PRORP: variants seen among roughly 807,000 people sequenced by gnomAD.
PRORP encodes the protein mitochondrial ribonuclease P catalytic subunit.
In PRORP, 51 loss-of-function variants were observed where a neutral mutation model predicts 59.4. The observed-to-expected ratio is 0.86, with a 90% confidence interval of 0.69 to 1.08. The LOEUF is 1.08. Ranked by LOEUF, PRORP falls within the 50% of genes least tolerant of loss-of-function variation. PRORP has a pLI of 0.00. For missense variants in PRORP, 646 were observed against 690.3 expected, an observed-to-expected ratio of 0.94 and a Z score of 0.72; for synonymous variants, 231 against 245.6, an observed-to-expected ratio of 0.94 and a Z score of 0.55.
intron 4 of PRORP, among the ~76,000 whole-genome samples, chr14:35,134,264 C>T (rs1268009900): frequency 6.6e-6 from 1 of 152,170 alleles, no homozygotes; most frequent in Non-Finnish European, 1.5e-5. Context: ...CCACCGCCAC[C>T]ACCAGCCCAC....
At chr14:35,153,420 C>T (rs1185243394) in intron 4 of PRORP, among the ~76,000 whole-genome samples, 4 of 146,536 alleles carry the variant, frequency 2.7e-5, no homozygotes, top group African/African-American at 1.0e-4. Context: ...AGAGGGATCT[C>T]TAATTTTTGT....
chr14:35,217,532 G>GT (rs1348337316), intron 5 of PRORP, among the ~76,000 whole-genome samples: 1 of 149,350 alleles, frequency 6.7e-6, no homozygotes, highest in East Asian at 1.9e-4. Context: ...AGAAACCATT[G>GT]TTTAATCCAA....
chr14:35,184,724 T>C (rs747666335), intron 5 of PRORP, among the ~76,000 whole-genome samples: 5 of 152,166 alleles, frequency 3.3e-5, no homozygotes, highest in Middle Eastern at 3.2e-3. Flanking sequence ...TTTATTTGTG[T>C]TCATAAGCTT....
intron 5 of PRORP, among the ~76,000 whole-genome samples, chr14:35,204,448 A>G (rs1472784961): frequency 6.6e-6 from 1 of 152,210 alleles, no homozygotes; most frequent in Non-Finnish European, 1.5e-5. Context: ...TTGCTATGCT[A>G]CAAAGTTACC....
At chr14:35,158,663 TC>T in intron 4 of PRORP, 1 of 399,016 alleles carries the variant, frequency 2.5e-6, no homozygotes, top group Non-Finnish European at 5.0e-6. Flanking sequence ...ATTTAGGTAG[TC>T]CACAGATTTA....
intron 5 of PRORP, among the ~76,000 whole-genome samples, chr14:35,237,663 TC>T (rs1245160875): frequency 6.6e-6 from 1 of 152,130 alleles, no homozygotes; most frequent in Non-Finnish European, 1.5e-5. Flanking sequence ...TTCTTAAACT[TC>T]TATTTTTTAT....
chr14:35,172,453 C>CTTCTTTCTTTCT (rs1555324973), intron 4 of PRORP, among the ~76,000 whole-genome samples: 8 of 46,706 alleles, frequency 1.7e-4, no homozygotes, highest in Admixed American at 4.3e-4. Flanking sequence ...TCCTTCCTTC[C>CTTCTTTCTTTCT]TTCTTTCTTT....
chr14:35,126,485 T>C (rs974192848), intron 2 of PRORP, among the ~76,000 whole-genome samples: 6 of 152,258 alleles, frequency 3.9e-5, no homozygotes, highest in Non-Finnish European at 7.4e-5. Context: ...TCAGCCGCTT[T>C]TGGTAGACTT....
intron 5 of PRORP, among the ~76,000 whole-genome samples, chr14:35,256,995 C>T (rs957683427): frequency 6.6e-6 from 1 of 151,896 alleles, no homozygotes; most frequent in African/African-American, 2.4e-5. Flanking sequence ...GCCTCGGCCT[C>T]CCAAGTAGCT....
chr14:35,136,550 T>C (rs1471235954), intron 4 of PRORP, among the ~76,000 whole-genome samples: 1 of 144,942 alleles, frequency 6.9e-6, no homozygotes, highest in Non-Finnish European at 1.5e-5. Flanking sequence ...AATTTTGTAT[T>C]TTTAGTAGAG....
intron 4 of PRORP, among the ~76,000 whole-genome samples, chr14:35,143,206 G>A (rs2047523272): frequency 6.9e-6 from 1 of 145,706 alleles, no homozygotes; most frequent in African/African-American, 2.4e-5. Flanking sequence ...AGGCTGGAGT[G>A]CAGTGGCGCA....
At chr14:35,157,580 G>C (rs557083351) in intron 4 of PRORP, among the ~76,000 whole-genome samples, 1 of 152,050 alleles carries the variant, frequency 6.6e-6, no homozygotes, top group Non-Finnish European at 1.5e-5. Flanking sequence ...AGTAGAGAGA[G>C]GGTTTCAGCA....
At chr14:35,138,706 C>G (rs1483024854) in intron 4 of PRORP, among the ~76,000 whole-genome samples, 1 of 145,518 alleles carries the variant, frequency 6.9e-6, no homozygotes, top group Non-Finnish European at 1.5e-5. Flanking sequence ...ATGACACCCT[C>G]TAATGTAGCG....
intron 5 of PRORP, among the ~76,000 whole-genome samples, chr14:35,244,628 C>A (rs1318131037): frequency 6.6e-6 from 1 of 151,932 alleles, no homozygotes. Context: ...AATACAAAGC[C>A]TCTGTGTGTG....
chr14:35,129,098 C>T (rs551602957), intron 4 of PRORP, among the ~76,000 whole-genome samples: 102 of 151,518 alleles, frequency 6.7e-4, no homozygotes, highest in Non-Finnish European at 1.3e-3. Flanking sequence ...ATCCCAGCTA[C>T]TCGTGAGGTT....
chr14:35,143,292 G>A (rs2047525192), intron 4 of PRORP, among the ~76,000 whole-genome samples: 1 of 144,236 alleles, frequency 6.9e-6, no homozygotes. Context: ...CCCCCGAGTA[G>A]CTGGGATTAC....
chr14:35,153,105 A>G (rs1468967815), intron 4 of PRORP, among the ~76,000 whole-genome samples: 1 of 152,226 alleles, frequency 6.6e-6, no homozygotes, highest in Non-Finnish European at 1.5e-5. Context: ...GGCAACATTG[A>G]GCACTGAGTG....
chr14:35,225,337 C>A (rs1010778719), intron 5 of PRORP, among the ~76,000 whole-genome samples: 1 of 151,962 alleles, frequency 6.6e-6, no homozygotes, highest in African/African-American at 2.4e-5. Context: ...CTACCCAACA[C>A]TTGGTGTATT....
In PRORP at chr14:35,123,329, T is replaced by G. The variant is rs748532370; in HGVS notation, c.84T>G (p.Tyr28Ter). ...PYLGLGPGHS[Y>*]VSLFLADRCG... ...TTGGGCTAGGCCCAGGGCACTCTTATGTCTCGCTGTTTCTGGCAGACCGCT... is the reference window on the plus strand; with the variant it reads ...TTGGGCTAGGCCCAGGGCACTCTTAGGTCTCGCTGTTTCTGGCAGACCGCT... Residue 28 changes from tyrosine (Y) to a stop codon, truncating the protein, a stop_gained, in exon 2 of 8, where the codon TAT (tyrosine) becomes TAG (stop). Transcript: ENST00000534898. LOFTEE classifies it high-confidence loss of function. 2 of 1,614,060 alleles carry G rather than the reference T, an allele frequency of 1.2e-6. No individual in the cohort carries two copies. The highest frequency in any genetic ancestry group is 8.5e-7 in the Non-Finnish European group (1 of 1,180,042).
Sources: gnomAD v4.1 joint callset for allele counts (sites outside exome capture counted in the v4.1 genomes callset) on GRCh38, gnomAD v4.1.1 for gene constraint, MANE v1.5 for transcripts, NCBI Gene and HGNC (gene_info 2026-07-23, HGNC 2026-07-21) for gene names.